Variants in CTNNA3 observed in about 807,000 individuals in gnomAD.
CTNNA3 encodes catenin alpha 3.
A neutral mutation model predicts 95.7 loss-of-function variants in CTNNA3; 76 were observed. The ratio of observed to expected loss-of-function variants is 0.79; its 90% CI spans 0.66 to 0.96. CTNNA3 has a LOEUF of 0.96. Among genes scored for constraint, CTNNA3 ranks in the 40% least tolerant of loss-of-function variants. The pLI, the probability that CTNNA3 is intolerant of heterozygous loss-of-function variation, is 0.00. For missense variants in CTNNA3, 1,191 were observed against 1,089.8 expected (o/e 1.09, Z -1.31); for synonymous variants, 431 against 374.4 (o/e 1.15, Z -1.74).
At chr10:66,040,646 G>C (rs1023304801) in intron 15 of CTNNA3, among the ~76,000 whole-genome samples, 9 of 152,100 alleles carry the variant, frequency 5.9e-5, no homozygotes, top group African/African-American at 2.2e-4. Context: ...AATCCAGCAT[G>C]TTCTCACTTA....
intron 11 of CTNNA3, among the ~76,000 whole-genome samples, chr10:66,493,428 A>G (rs1024131482): frequency 6.6e-5 from 10 of 152,044 alleles, no homozygotes; most frequent in African/African-American, 2.2e-4. Flanking sequence ...TTGAACCTAC[A>G]TCCATCTACT....
intron 9 of CTNNA3, among the ~76,000 whole-genome samples, chr10:66,719,183 C>T (rs1478942053): frequency 3.9e-5 from 6 of 152,064 alleles, no homozygotes; most frequent in African/African-American, 1.2e-4. Flanking sequence ...GCATTTTTAT[C>T]GTTTTCTTGT....
intron 14 of CTNNA3, among the ~76,000 whole-genome samples, chr10:66,087,044 A>G (rs1023817287): frequency 6.6e-6 from 1 of 152,114 alleles, no homozygotes; most frequent in Non-Finnish European, 1.5e-5. Context: ...TACATCCAAC[A>G]TGGTGATTCC....
chr10:66,406,357 TG>T (rs1209555788), intron 11 of CTNNA3, among the ~76,000 whole-genome samples: 2 of 152,116 alleles, frequency 1.3e-5, no homozygotes, highest in African/African-American at 2.4e-5. Flanking sequence ...CAAAATACTG[TG>T]GGGGTTTTTA....
chr10:67,128,656 T>G (rs1589770544), intron 7 of CTNNA3, among the ~76,000 whole-genome samples: 1 of 152,284 alleles, frequency 6.6e-6, no homozygotes, highest in East Asian at 1.9e-4. Flanking sequence ...TCAGTATTAC[T>G]TTGGCAAAGG....
intron 13 of CTNNA3, among the ~76,000 whole-genome samples, chr10:66,261,200 G>T (rs1471676400): frequency 6.6e-6 from 1 of 151,986 alleles, no homozygotes; most frequent in Non-Finnish European, 1.5e-5. Context: ...GATCTTCTCA[G>T]CTTCTGTTGG....
chr10:67,236,467 C>T (rs1865461944), intron 5 of CTNNA3, among the ~76,000 whole-genome samples: 1 of 140,214 alleles, frequency 7.1e-6, no homozygotes, highest in Non-Finnish European at 1.5e-5. Context: ...ACAATGAGAA[C>T]ACATGGACAC....
chr10:67,723,996 G>C (rs1169347550), intron 1 of CTNNA3, among the ~76,000 whole-genome samples: 1 of 152,096 alleles, frequency 6.6e-6, no homozygotes, highest in Non-Finnish European at 1.5e-5. Flanking sequence ...TAGACCTTTA[G>C]GTAGAGAACT....
At chr10:66,343,646 A>C (rs2092475518) in intron 12 of CTNNA3, among the ~76,000 whole-genome samples, 1 of 152,018 alleles carries the variant, frequency 6.6e-6, no homozygotes, top group Admixed American at 6.6e-5. Context: ...AGGAGGAGTA[A>C]GTTCTAGTGC....
intron 12 of CTNNA3, among the ~76,000 whole-genome samples, chr10:66,371,908 A>G (rs1278009405): frequency 6.6e-6 from 1 of 152,176 alleles, no homozygotes; most frequent in Non-Finnish European, 1.5e-5. Flanking sequence ...AAAAGCAGGG[A>G]TATTTTATGA....
chr10:66,566,691 T>G (rs894249459), intron 10 of CTNNA3, among the ~76,000 whole-genome samples: 3 of 152,080 alleles, frequency 2.0e-5, no homozygotes, highest in African/African-American at 7.2e-5. Flanking sequence ...AGGCAACCCC[T>G]GCTACTAGGT....
At chr10:66,642,055 C>T (rs1845533797) in intron 9 of CTNNA3, among the ~76,000 whole-genome samples, 1 of 152,072 alleles carries the variant, frequency 6.6e-6, no homozygotes, top group Admixed American at 6.6e-5. Flanking sequence ...CAGATAGTCA[C>T]AATTCAATGC....
rs1841251131 is a variant in CTNNA3 at position 67,320,179 on chromosome 10, A to C, written c.580-100309T>G. On this transcript the variant is annotated intron_variant, in intron 5 of 17. Coordinates refer to ENST00000433211, the MANE Select transcript of CTNNA3 (RefSeq NM_013266.4). ...AAAGCCTCTTAAAGCCAGACTTTTG[A>C]AGCTCAGTAATCTTCTGAGCCAAGT... Among the ~76,000 whole-genome samples, 3 of 152,166 alleles carry C rather than the reference A, an allele frequency of 2.0e-5. No individual in the cohort carries two copies. In the South Asian group the frequency reaches 6.2e-4, roughly 32 times the overall value.
chr10:67,426,160 C>A (rs763680251), intron 5 of CTNNA3, among the ~76,000 whole-genome samples: 7 of 151,974 alleles, frequency 4.6e-5, no homozygotes, highest in Non-Finnish European at 8.8e-5. Context: ...AGAAAATGAC[C>A]TTGAACTAAC....
At chr10:65,982,647 T>A (rs1211880616) in intron 16 of CTNNA3, among the ~76,000 whole-genome samples, 1 of 150,614 alleles carries the variant, frequency 6.6e-6, no homozygotes, top group African/African-American at 2.4e-5. Context: ...TATATATACA[T>A]ATATATATAT....
intron 5 of CTNNA3, among the ~76,000 whole-genome samples, chr10:67,230,720 C>T (rs573359114): frequency 6.6e-6 from 1 of 152,178 alleles, no homozygotes; most frequent in African/African-American, 2.4e-5. Context: ...CCAGCTTGAG[C>T]GACGCAGAAG....
chr10:67,182,300 G>C (rs1281284005), intron 6 of CTNNA3, among the ~76,000 whole-genome samples: 2 of 152,078 alleles, frequency 1.3e-5, no homozygotes, highest in African/African-American at 2.4e-5. Flanking sequence ...ACACCACAAG[G>C]CTACAGTAAC....
chr10:66,389,938 G>A (rs777187948), intron 11 of CTNNA3, among the ~76,000 whole-genome samples: 10 of 152,138 alleles, frequency 6.6e-5, no homozygotes, highest in African/African-American at 1.9e-4. Flanking sequence ...GTCTTGCTAC[G>A]TTGCTCAGGC....
intron 7 of CTNNA3, among the ~76,000 whole-genome samples, chr10:67,058,769 T>C (rs1437129962): frequency 6.6e-6 from 1 of 152,168 alleles, no homozygotes; most frequent in Non-Finnish European, 1.5e-5. Flanking sequence ...TGACTAGACT[T>C]GTAATGTCTG....
Sources: allele counts gnomAD v4.1 joint callset (sites outside exome capture counted in the v4.1 genomes callset), GRCh38; gene constraint gnomAD v4.1.1; transcripts MANE v1.5; gene names NCBI Gene and HGNC (gene_info 2026-07-23, HGNC 2026-07-21).